The following MGAT4C variants were observed in gnomAD, a reference collection of about 807,000 sequenced individuals.
The protein encoded by MGAT4C is alpha-1,3-mannosyl-glycoprotein 4-beta-N-acetylglucosaminyltransferase C.
MGAT4C carries 19 observed loss-of-function variants against 40.1 expected under a neutral mutation model. The observed-to-expected ratio is 0.47, with a 90% CI of 0.33 to 0.70. The LOEUF (loss-of-function observed/expected upper bound fraction) is 0.70, where lower values mean the gene tolerates loss of function less well. MGAT4C is among the 30% of genes least tolerant of loss of function. The probability of loss-of-function intolerance (pLI) is 0.02; values close to 1 mark genes in which losing one functional copy is unlikely to be tolerated. For missense variants in MGAT4C, 491 were observed against 563.2 expected (o/e 0.87, Z 1.30); for synonymous variants, 181 against 187.1 (o/e 0.97, Z 0.27).
In MGAT4C at chr12:86,354,607, T is replaced by C. The variant is rs1955264936; in HGVS notation, c.-119-20480A>G. On this transcript the variant is annotated intron_variant, in intron 3 of 7. Coordinates refer to the MGAT4C transcript ENST00000548651. Reference sequence around the variant, plus strand: ...AAAATGCTATAAATAAAAAATTCACTGGAAATGAAATGACAAAGGAAAGAA... The same window carrying C: ...AAAATGCTATAAATAAAAAATTCACCGGAAATGAAATGACAAAGGAAAGAA... 2.6e-5 allele frequency among the ~76,000 whole-genome samples: 4 copies of C among 152,262 alleles called. No homozygotes were observed. The Middle Eastern group carries it at 0.014, about 518-fold the overall frequency.
chr12:86,238,485 G>A (rs374190100), intron 1 of MGAT4C, among the ~76,000 whole-genome samples: 18 of 152,112 alleles, frequency 1.2e-4, no homozygotes, highest in African/African-American at 4.3e-4. Flanking sequence ...CAGCTTACAT[G>A]GTTTCAGGGT....
At chr12:86,778,981 A>T (rs1318759145) in intron 1 of MGAT4C, among the ~76,000 whole-genome samples, 1 of 149,812 alleles carries the variant, frequency 6.7e-6, no homozygotes, top group Non-Finnish European at 1.5e-5. Context: ...ATATAATATA[A>T]ATATATACAT....
At chr12:86,290,829 A>G (rs1450554603) in intron 4 of MGAT4C, among the ~76,000 whole-genome samples, 1 of 152,232 alleles carries the variant, frequency 6.6e-6, no homozygotes, top group Non-Finnish European at 1.5e-5. Context: ...AAAGTGTTTG[A>G]AAAATACATT....
At chr12:86,225,222 C>G (rs1022219255) in intron 1 of MGAT4C, among the ~76,000 whole-genome samples, 16 of 151,876 alleles carry the variant, frequency 1.1e-4, no homozygotes, top group African/African-American at 3.6e-4. Flanking sequence ...TAAAAACATA[C>G]AACTTTCAAG....
At chr12:86,764,483 T>G (rs1299184919) in intron 1 of MGAT4C, among the ~76,000 whole-genome samples, 2 of 150,892 alleles carry the variant, frequency 1.3e-5, no homozygotes, top group African/African-American at 4.9e-5. Context: ...GACTTAAATG[T>G]CCCTGTCTGA....
intron 2 of MGAT4C, among the ~76,000 whole-genome samples, chr12:86,486,003 C>T (rs951969396): frequency 1.5e-4 from 23 of 152,194 alleles, no homozygotes; most frequent in Admixed American, 5.2e-4. Flanking sequence ...AGAGAAATAA[C>T]ATCCTTCTCA....
chr12:86,291,507 C>T (rs1003804162), intron 4 of MGAT4C, among the ~76,000 whole-genome samples: 2 of 152,086 alleles, frequency 1.3e-5, no homozygotes, highest in African/African-American at 4.8e-5. Context: ...GAAGTGGGTC[C>T]TCACAATATG....
At chr12:86,150,616 T>C (rs1459435614) in intron 1 of MGAT4C, among the ~76,000 whole-genome samples, 1 of 152,156 alleles carries the variant, frequency 6.6e-6, no homozygotes, top group East Asian at 1.9e-4. Context: ...CTGGAAATAG[T>C]GGATGGTGCA....
intron 3 of MGAT4C, among the ~76,000 whole-genome samples, chr12:86,415,781 C>T (rs543607497): frequency 6.6e-6 from 1 of 152,076 alleles, no homozygotes; most frequent in African/African-American, 2.4e-5. Context: ...AGAAAACTAA[C>T]AATATGTCAG....
intron 2 of MGAT4C, among the ~76,000 whole-genome samples, chr12:86,577,656 ATCTT>A (rs1373968887): frequency 6.6e-6 from 1 of 151,762 alleles, no homozygotes; most frequent in African/African-American, 2.4e-5. Context: ...ATGATTAATG[ATCTT>A]TCTAATTTTG....
At chr12:86,506,406 T>A (rs559668468) in intron 2 of MGAT4C, among the ~76,000 whole-genome samples, 177 of 152,288 alleles carry the variant, frequency 1.2e-3, no homozygotes, top group African/African-American at 4.2e-3. Flanking sequence ...TGGCAGAGAT[T>A]GGGAATTTCT....
At chr12:86,759,704 G>C (rs548436553) in intron 1 of MGAT4C, among the ~76,000 whole-genome samples, 7 of 152,100 alleles carry the variant, frequency 4.6e-5, no homozygotes, top group African/African-American at 1.7e-4. Flanking sequence ...GTCTATTCAG[G>C]TATTTTGCTC....
chr12:86,225,438 G>T (rs528586521), intron 1 of MGAT4C, among the ~76,000 whole-genome samples: 39 of 152,090 alleles, frequency 2.6e-4, no homozygotes, highest in African/African-American at 8.9e-4. Context: ...TTCCCTACTC[G>T]TTCTATGAGG....
At chr12:86,680,253 C>A (rs1170095214) in intron 2 of MGAT4C, among the ~76,000 whole-genome samples, 1 of 151,902 alleles carries the variant, frequency 6.6e-6, no homozygotes. Flanking sequence ...CTTTTAGTAA[C>A]ATCTAGGTGG....
chr12:86,785,436 G>A (rs1336136486), intron 1 of MGAT4C, among the ~76,000 whole-genome samples: 1 of 151,888 alleles, frequency 6.6e-6, no homozygotes, highest in Non-Finnish European at 1.5e-5. Flanking sequence ...AATACTTTTA[G>A]AAATTAAATT....
At chr12:86,171,597 T>C (rs1886855680) in intron 1 of MGAT4C, among the ~76,000 whole-genome samples, 2 of 152,168 alleles carry the variant, frequency 1.3e-5, no homozygotes, top group East Asian at 1.9e-4. Flanking sequence ...GATAAACTAA[T>C]GATGTTCAAT....
rs562239303 is a variant in MGAT4C at position 86,620,431 on chromosome 12, G to A, written c.-229+106778C>T. ...TTTTGCAACAACATGAATGGAATTG[G>A]AGGCCATTATCTTATAAGAAATAAT... On this transcript the variant is annotated intron_variant, in intron 2 of 7. Coordinates refer to the MGAT4C transcript ENST00000548651. Among the ~76,000 whole-genome samples the A allele has an allele frequency of 4.6e-5, 7 of 152,200 alleles. No individual in the cohort carries two copies. The South Asian group carries it at 1.5e-3, about 32-fold the overall frequency.
chr12:86,632,100 T>C (rs1963065628), intron 2 of MGAT4C, among the ~76,000 whole-genome samples: 1 of 152,000 alleles, frequency 6.6e-6, no homozygotes, highest in Non-Finnish European at 1.5e-5. Context: ...GCAAAGGATA[T>C]GAACAGATAC....
At chr12:86,582,258 CTG>C (rs1325314068) in intron 2 of MGAT4C, among the ~76,000 whole-genome samples, 1 of 151,326 alleles carries the variant, frequency 6.6e-6, no homozygotes, top group Non-Finnish European at 1.5e-5. Context: ...CTTCAGGAGA[CTG>C]TTTATAATTT....
Sources: allele counts gnomAD v4.1 joint callset (sites outside exome capture counted in the v4.1 genomes callset), GRCh38; gene constraint gnomAD v4.1.1; transcripts MANE v1.5; gene names NCBI Gene and HGNC (gene_info 2026-07-23, HGNC 2026-07-21).